Variants in CFAP54 observed in about 807,000 individuals in gnomAD.
The protein encoded by CFAP54 is cilia- and flagella-associated protein 54.
Under a neutral mutation model 370.4 loss-of-function variants are expected in CFAP54, and 290 were observed. That is an observed-to-expected ratio of 0.78 (90% CI 0.71 to 0.86). The LOEUF (loss-of-function observed/expected upper bound fraction) is 0.86, where lower values mean the gene tolerates loss of function less well. Among genes scored for constraint, CFAP54 ranks in the 40% least tolerant of loss-of-function variants. The pLI, the probability that CFAP54 is intolerant of heterozygous loss-of-function variation, is 0.00. For synonymous variants in CFAP54, 1,206 were observed against 1,236.5 expected (o/e 0.98, Z 0.52); for missense variants, 3,399 against 3,528.7 (o/e 0.96, Z 0.93).
rs568445220 is a variant in CFAP54, at chr12:96,777,596, A to G, written c.8282-7121A>G. The stretch of plus-strand genomic sequence containing the variant: ...ACTCCTGATCTCAGGAGATCCACCC[A>G]CCTCGGCCTCCCAAAGTGCTGGGAT... On this transcript the variant is annotated intron_variant, in intron 60 of 67. Coordinates refer to ENST00000524981, the MANE Select transcript of CFAP54 (RefSeq NM_001306084.2). Among the ~76,000 whole-genome samples the G allele has an allele frequency of 4.0e-5, 6 of 151,892 alleles. No homozygotes were observed. The South Asian group carries it at 8.3e-4, about 21-fold the overall frequency.
intron 66 of CFAP54, among the ~76,000 whole-genome samples, chr12:96,840,381 A>C (rs1959204471): frequency 6.6e-6 from 1 of 152,156 alleles, no homozygotes; most frequent in East Asian, 1.9e-4. Context: ...GTAAAATCCT[A>C]GAGGATGGTG....
Position 96,623,893 on chromosome 12 carries a change from T to TTTTCTGTATAC in CFAP54, c.3886+15_3886+25dup. 6.8e-7 allele frequency: 1 copy of TTTTCTGTATAC among 1,461,498 alleles called. No individual in the cohort carries two copies. Among genetic ancestry groups the TTTTCTGTATAC allele is most frequent in the Non-Finnish European group, 9.2e-7 (1 of 1,082,870 alleles). The allele number at this position is 1,461,498 out of a possible 1,614,324, so 90.5% of individuals were successfully genotyped here. On this transcript the variant is annotated intron_variant, in intron 28 of 67. Transcript: ENST00000524981. ...ACTGACAAAGCAATGTAATCATTTG[T>TTTTCTGTATAC]TTTCTGTATACTTCCATTTAGCATT...
intron 1 of CFAP54, among the ~76,000 whole-genome samples, chr12:96,492,053 C>T (rs183371282): frequency 6.6e-6 from 1 of 152,290 alleles, no homozygotes; most frequent in Admixed American, 6.5e-5. Flanking sequence ...AGCCACCTTG[C>T]CCGGCTTATA....
chr12:96,567,286 A>G (rs1955873197), intron 19 of CFAP54, among the ~76,000 whole-genome samples: 1 of 152,210 alleles, frequency 6.6e-6, no homozygotes, highest in African/African-American at 2.4e-5. Context: ...AGAGGATAGT[A>G]GCACGGGAGA....
At chr12:96,640,164 A>G (rs1093243) in intron 32 of CFAP54, among the ~76,000 whole-genome samples, 120,189 of 152,048 alleles carry the variant, frequency 0.79, 47,691 homozygotes, top group East Asian at 0.86. Flanking sequence ...CGACATGATT[A>G]TATATCTAGA....
chr12:96,755,435 C>T (rs1203619875), intron 56 of CFAP54, among the ~76,000 whole-genome samples: 2 of 152,038 alleles, frequency 1.3e-5, no homozygotes, highest in Non-Finnish European at 2.9e-5. Flanking sequence ...TCCCATTTAA[C>T]TGAAACTTTG....
rs576681762 is a variant in CFAP54 at position 96,679,451 on chromosome 12, T to C, written c.5564-149T>C. Reference sequence around the variant, plus strand: ...AAAAGAAAAAAAAAATTGATCTGAATGTTGAAACACCTGCTGCAGATCTGG... The same window carrying C: ...AAAAGAAAAAAAAAATTGATCTGAACGTTGAAACACCTGCTGCAGATCTGG... On this transcript the variant is annotated intron_variant, in intron 39 of 67. Transcript: ENST00000524981. 2.6e-4 allele frequency: 172 copies of C among 655,380 alleles called. No homozygotes were observed. The African/African-American group carries it at 2.8e-3, about 11-fold the overall frequency. The allele number at this position is 655,380 out of a possible 1,614,324, so 40.6% of individuals were successfully genotyped here. A position where few individuals can be genotyped will look rare whatever the true frequency, so the allele number is the denominator to read the frequency against.
chr12:96,751,699 T>C (rs1464606516), intron 55 of CFAP54, among the ~76,000 whole-genome samples: 3 of 152,186 alleles, frequency 2.0e-5, no homozygotes, highest in African/African-American at 7.2e-5. Flanking sequence ...CAGTTGATAA[T>C]TGTTGAGGTT....
chr12:96,654,189 T>C, intron 36 of CFAP54, among the ~76,000 whole-genome samples: 1 of 140,532 alleles, frequency 7.1e-6, no homozygotes, highest in Non-Finnish European at 1.5e-5. Flanking sequence ...ATAATACATT[T>C]TATACCAATG....
At chr12:96,497,941 A>G (rs7311745) in intron 1 of CFAP54, among the ~76,000 whole-genome samples, 40,624 of 152,120 alleles carry the variant, frequency 0.27, 5,742 homozygotes, top group South Asian at 0.38. Context: ...GTAGCTTTCA[A>G]TGAATGATCT....
intron 33 of CFAP54, among the ~76,000 whole-genome samples, chr12:96,647,498 A>G (rs1422759419): frequency 6.7e-6 from 1 of 149,132 alleles, no homozygotes; most frequent in Non-Finnish European, 1.5e-5. Flanking sequence ...AAAAAAAAAG[A>G]AATGCCATTG....
chr12:96,591,021 G>A (rs61938155), intron 23 of CFAP54, among the ~76,000 whole-genome samples: 2,696 of 152,248 alleles, frequency 0.018, 35 homozygotes, highest in Middle Eastern at 0.048. Flanking sequence ...CAGAAGGCCG[G>A]AATTGAACCC....
intron 63 of CFAP54, among the ~76,000 whole-genome samples, chr12:96,806,211 TATAA>T (rs1301775820): frequency 6.8e-4 from 44 of 65,134 alleles, no homozygotes; most frequent in African/African-American, 2.7e-3. Context: ...TATATATATA[TATAA>T]TAACAACATA....
chr12:96,537,867 C>T (rs1955523978), intron 12 of CFAP54, among the ~76,000 whole-genome samples: 1 of 151,892 alleles, frequency 6.6e-6, no homozygotes, highest in South Asian at 2.1e-4. Context: ...GCAGGTGGAT[C>T]ACTTGAGGCC....
At chr12:96,770,629 C>A (rs1213327071) in intron 60 of CFAP54, among the ~76,000 whole-genome samples, 3 of 152,316 alleles carry the variant, frequency 2.0e-5, no homozygotes, top group South Asian at 2.1e-4. Flanking sequence ...CATCAAGATT[C>A]ACACGACAGC....
chr12:96,524,033 T>C (rs961500870), intron 8 of CFAP54, among the ~76,000 whole-genome samples: 1 of 152,160 alleles, frequency 6.6e-6, no homozygotes, highest in Non-Finnish European at 1.5e-5. Flanking sequence ...TTTTGCAGAA[T>C]GTCCTGTTTT....
chr12:96,493,745 C>A (rs1010752551), intron 1 of CFAP54, among the ~76,000 whole-genome samples: 2 of 152,104 alleles, frequency 1.3e-5, no homozygotes, highest in African/African-American at 4.8e-5. Context: ...TTGCATTGAG[C>A]CAAGATCGCG....
intron 66 of CFAP54, among the ~76,000 whole-genome samples, chr12:96,843,239 C>A (rs1401825169): frequency 4.6e-5 from 7 of 152,188 alleles, no homozygotes; most frequent in African/African-American, 1.7e-4. Flanking sequence ...CATAAAAAAG[C>A]ATCAAGAAAT....
chr12:96,792,932 C>CA (rs754646226), intron 63 of CFAP54, among the ~76,000 whole-genome samples: 1 of 151,908 alleles, frequency 6.6e-6, no homozygotes, highest in Non-Finnish European at 1.5e-5. Flanking sequence ...GAGATAAACT[C>CA]AAATTGGTCA....
Sources: gnomAD v4.1 joint callset for allele counts (sites outside exome capture counted in the v4.1 genomes callset) on GRCh38, gnomAD v4.1.1 for gene constraint, MANE v1.5 for transcripts, NCBI Gene and HGNC (gene_info 2026-07-23, HGNC 2026-07-21) for gene names.